AK3: variants seen among roughly 807,000 people sequenced by gnomAD.
The protein encoded by AK3 is adenylate kinase 3, also known as GTP:AMP phosphotransferase AK3, mitochondrial.
AK3 carries 27 observed loss-of-function variants against 23.7 expected under a neutral mutation model. That is an observed-to-expected ratio of 1.14 (90% CI 0.84 to 1.57). The LOEUF (loss-of-function observed/expected upper bound fraction) is 1.57. AK3 is among the 40% of genes most tolerant of loss of function. The probability of loss-of-function intolerance (pLI) is 0.00; values close to 1 mark genes in which losing one functional copy is unlikely to be tolerated. For missense variants in AK3, 406 were observed against 285.6 expected (o/e 1.42, Z -3.04); for synonymous variants, 159 against 116.0 (o/e 1.37, Z -2.38).
Position 4,713,025 on chromosome 9 carries a change from AG to A in AK3, c.634del (p.Leu212TyrfsTer22). 1 of 1,613,816 alleles carries A rather than the reference AG, an allele frequency of 6.2e-7. No homozygotes were observed. On this transcript the variant is annotated frameshift_variant, in exon 5 of 5. Coordinates refer to ENST00000381809, the MANE Select transcript of AK3 (RefSeq NM_016282.4). LOFTEE classifies it high-confidence loss of function. ...NKIWPYVYAF[L>X]QTKVPQRSQK... ...GCTTCTTTGTGGAACTTTAGTTTGT[AG>A]GAAAGCATATACATAGGGCCAAATC...
At chr9:4,739,537 G>T (rs1410913680) in intron 1 of AK3, among the ~76,000 whole-genome samples, 1 of 151,120 alleles carries the variant, frequency 6.6e-6, no homozygotes, top group Admixed American at 6.6e-5. Context: ...AGAATGAAAT[G>T]GATTTGTCCG....
chr9:4,738,928 T>C (rs559405849), intron 1 of AK3, among the ~76,000 whole-genome samples: 41 of 151,984 alleles, frequency 2.7e-4, no homozygotes, highest in African/African-American at 9.9e-4. Flanking sequence ...CGAGCCACCA[T>C]GCCCAGCTAA....
At chr9:4,733,976 A>G (rs1177133975) in intron 1 of AK3, among the ~76,000 whole-genome samples, 1 of 152,210 alleles carries the variant, frequency 6.6e-6, no homozygotes, top group Non-Finnish European at 1.5e-5. Flanking sequence ...ATTGAGACAC[A>G]TATCACTCCA....
intron 1 of AK3, among the ~76,000 whole-genome samples, chr9:4,732,039 T>G (rs780652375): frequency 7.2e-5 from 11 of 152,190 alleles, no homozygotes; most frequent in Non-Finnish European, 1.6e-4. Context: ...AGCCTCGACG[T>G]GCTGGGTCCA....
intron 1 of AK3, among the ~76,000 whole-genome samples, chr9:4,725,798 A>G (rs1307468994): frequency 1.3e-5 from 2 of 152,242 alleles, no homozygotes; most frequent in African/African-American, 4.8e-5. Flanking sequence ...ACAAATGGCC[A>G]ATAAGCCCAT....
intron 2 of AK3, among the ~76,000 whole-genome samples, chr9:4,720,603 T>C (rs1019470201): frequency 1.3e-5 from 2 of 151,252 alleles, no homozygotes; most frequent in African/African-American, 4.9e-5. Flanking sequence ...GGCAGGAGGA[T>C]TGCCTGAGCT....
At position 4,713,017 on chromosome 9, in the gene AK3, T is replaced by C. The variant is rs773920260; in HGVS notation, c.643A>G (p.Lys215Glu). The change falls in exon 5 of 5, where the codon AAA becomes GAA. Residue 215 changes from lysine to glutamate, a missense_variant. Transcript: ENST00000381809. ...GCTTTCTGGCTTCTTTGTGGAACTT[T>C]AGTTTGTAGGAAAGCATATACATAG... ...WPYVYAFLQT[K>E]VPQRSQKASV... 3.7e-6 allele frequency: 6 copies of C among 1,613,816 alleles called. No homozygotes were observed. The highest frequency in any genetic ancestry group is 1.7e-5 in the Admixed American group (1 of 60,010).
At chr9:4,716,745 A>G (rs966972456) in intron 4 of AK3, among the ~76,000 whole-genome samples, 3 of 152,162 alleles carry the variant, frequency 2.0e-5, no homozygotes, top group Non-Finnish European at 4.4e-5. Flanking sequence ...CCCGTGCAAC[A>G]TGGCAAGAGC....
chr9:4,736,507 G>A (rs1167947151), intron 1 of AK3, among the ~76,000 whole-genome samples: 2 of 149,574 alleles, frequency 1.3e-5, no homozygotes, highest in East Asian at 2.0e-4. Flanking sequence ...TTTGCCATCA[G>A]TATCATTCTA....
chr9:4,714,823 A>T (rs553242596), intron 4 of AK3, among the ~76,000 whole-genome samples: 4 of 152,342 alleles, frequency 2.6e-5, no homozygotes, highest in South Asian at 2.1e-4. Flanking sequence ...AACTGTCAGC[A>T]TTTCTAAATA....
rs760763787 is a variant in AK3, at chr9:4,718,450, C to A, written c.532G>T (p.Asp178Tyr). ...TATTCCAGGACTGGCTTTGTTTGGT[C>A]TTCATAAGCCTTTAGTCTCTTGATA... Reference protein sequence around the residue: ...TVIKRLKAYEDQTKPVLEYYQ... With the variant: ...TVIKRLKAYEYQTKPVLEYYQ... The change falls in exon 4 of 5, where the codon GAC becomes TAC. Residue 178 changes from aspartate to tyrosine, a missense_variant. By Grantham distance (160) the Asp-to-Tyr change is radical. Transcript: ENST00000381809. 2 of 1,613,002 alleles carry A rather than the reference C, an allele frequency of 1.2e-6. No homozygotes were observed. Among genetic ancestry groups the A allele is most frequent in the Non-Finnish European group, 1.7e-6 (2 of 1,179,794 alleles).
intron 4 of AK3, among the ~76,000 whole-genome samples, chr9:4,717,141 A>G (rs1428046432): frequency 1.3e-5 from 2 of 152,174 alleles, no homozygotes; most frequent in African/African-American, 4.8e-5. Flanking sequence ...GTTAAGCAGA[A>G]GGTGAAGGTG....
Position 4,741,189 on chromosome 9 carries a change from A to G in AK3, c.-102T>C. On this transcript the variant is annotated 5_prime_UTR_variant, in exon 1 of 5. Coordinates refer to ENST00000381809, the MANE Select transcript of AK3 (RefSeq NM_016282.4). ...GCGCCGGCCGGCTAGCAGCGCCACT[A>G]GCAGGCGGCTACTGCGGTTCCCCGG... The G allele has an allele frequency of 1.6e-6, 2 of 1,251,112 alleles. No homozygotes were observed. Among genetic ancestry groups the G allele is most frequent in the Non-Finnish European group, 2.1e-6 (2 of 974,036 alleles). 77.5% of individuals were successfully genotyped at this position (1,251,112 alleles called of 1,614,324 possible).
intron 1 of AK3, among the ~76,000 whole-genome samples, chr9:4,728,256 T>A (rs1842062659): frequency 6.6e-6 from 1 of 152,144 alleles, no homozygotes; most frequent in Non-Finnish European, 1.5e-5. Context: ...TGAAGCACAA[T>A]AAAACAACAT....
chr9:4,728,886 C>CATACATACATATAT (rs71326126), intron 1 of AK3, among the ~76,000 whole-genome samples: 10 of 140,150 alleles, frequency 7.1e-5, no homozygotes, highest in East Asian at 4.0e-4. Flanking sequence ...CACACACATA[C>CATACATACATATAT]ATATATATAC....
At position 4,721,388 on chromosome 9, in the gene AK3, G is replaced by A. The variant is rs946898731; in HGVS notation, c.271+1118C>T. Among the ~76,000 whole-genome samples, 15 of 147,294 alleles carry A rather than the reference G, an allele frequency of 1.0e-4. No homozygotes were observed. The South Asian group carries it at 1.5e-3, about 15-fold the overall frequency. Reference sequence around the variant, plus strand: ...ATCACACTCCAGCCTGGGCAACAGAGCCAGACACTGTCTCCATTAAAAAAA... The same window carrying A: ...ATCACACTCCAGCCTGGGCAACAGAACCAGACACTGTCTCCATTAAAAAAA... On this transcript the variant is annotated intron_variant, in intron 2 of 4. Transcript: ENST00000381809.
At chr9:4,713,761 T>G (rs1386705272) in intron 4 of AK3, among the ~76,000 whole-genome samples, 1 of 152,146 alleles carries the variant, frequency 6.6e-6, no homozygotes, top group Non-Finnish European at 1.5e-5. Context: ...AAGTCTATTT[T>G]ATTTACTCCA....
At chr9:4,721,180 A>T (rs1407194163) in intron 2 of AK3, among the ~76,000 whole-genome samples, 1 of 152,140 alleles carries the variant, frequency 6.6e-6, no homozygotes, top group Non-Finnish European at 1.5e-5. Flanking sequence ...AGGTGGGCAG[A>T]TCACTTGAGG....
chr9:4,727,098 A>G (rs749865501), intron 1 of AK3, among the ~76,000 whole-genome samples: 2 of 152,220 alleles, frequency 1.3e-5, no homozygotes, highest in Admixed American at 6.5e-5. Context: ...GCTGTCATCC[A>G]GGCTTTGTCA....
Sources: allele counts gnomAD v4.1 joint callset (sites outside exome capture counted in the v4.1 genomes callset), GRCh38; gene constraint gnomAD v4.1.1; transcripts MANE v1.5; gene names NCBI Gene and HGNC (gene_info 2026-07-23, HGNC 2026-07-21).